The following TRPM3 variants were observed in gnomAD, a reference collection of about 807,000 sequenced individuals.
TRPM3 encodes the protein long transient receptor potential channel 3.
TRPM3 carries 77 observed loss-of-function variants against 181.2 expected under a neutral mutation model. The observed-to-expected ratio is 0.42, with a 90% CI of 0.35 to 0.51. The LOEUF is 0.51. Ranked by LOEUF, TRPM3 falls within the 20% of genes least tolerant of loss-of-function variation. The probability of loss-of-function intolerance (pLI) is 0.01; values close to 1 mark genes in which losing one functional copy is unlikely to be tolerated. For synonymous variants in TRPM3, 745 were observed against 796.4 expected (o/e 0.94, Z 1.09); for missense variants, 1,759 against 2,196.7 (o/e 0.80, Z 3.98).
At chr9:71,133,044 AT>A (rs1421067011) in intron 1 of TRPM3, among the ~76,000 whole-genome samples, 1 of 152,136 alleles carries the variant, frequency 6.6e-6, no homozygotes, top group Non-Finnish European at 1.5e-5. Flanking sequence ...TAAATCATGA[AT>A]ATATTTTCAG....
chr9:70,850,744 A>G (rs10780975), intron 3 of TRPM3, among the ~76,000 whole-genome samples: 55,730 of 151,962 alleles, frequency 0.37, 10,613 homozygotes, highest in Non-Finnish European at 0.39. Context: ...TCCAGAACAG[A>G]TTATTTAGTA....
intron 1 of TRPM3, chr9:70,869,131 C>T (rs2095728327): frequency 1.2e-6 from 1 of 859,620 alleles, no homozygotes; most frequent in African/African-American, 1.8e-5. Flanking sequence ...TTCGGCTCTT[C>T]CCCCAAGAGA....
chr9:70,936,393 T>G (rs1342088281), intron 1 of TRPM3, among the ~76,000 whole-genome samples: 1 of 152,174 alleles, frequency 6.6e-6, no homozygotes, highest in East Asian at 1.9e-4. Context: ...CTGCAAAATT[T>G]TAGCTAATGA....
intron 1 of TRPM3, among the ~76,000 whole-genome samples, chr9:71,097,343 GTA>G (rs2067489779): frequency 6.6e-6 from 1 of 151,808 alleles, no homozygotes; most frequent in South Asian, 2.1e-4. Flanking sequence ...AACATTTTAT[GTA>G]TATATACACA....
At position 70,985,699 on chromosome 9, in the gene TRPM3, T is replaced by C. The variant is rs147448627; in HGVS notation, c.178-121188A>G. On this transcript the variant is annotated intron_variant, in intron 1 of 25. Transcript: ENST00000677713. Reference sequence around the variant, plus strand: ...TGTGCCAGCACTGTGCTGGGCCCTTTTGGGAGGTATAAAAATGAACCAGAT... The same window carrying C: ...TGTGCCAGCACTGTGCTGGGCCCTTCTGGGAGGTATAAAAATGAACCAGAT... Among the ~76,000 whole-genome samples the C allele has an allele frequency of 3.3e-5, 5 of 152,250 alleles. No individual in the cohort carries two copies. In the East Asian group the frequency reaches 9.7e-4, roughly 29 times the overall value.
At chr9:71,382,424 G>A (rs1193338005) in intron 1 of TRPM3, among the ~76,000 whole-genome samples, 3 of 152,106 alleles carry the variant, frequency 2.0e-5, no homozygotes, top group Admixed American at 6.6e-5. Context: ...TCTAAATCAT[G>A]CTATTGGAAA....
At chr9:70,957,215 C>T (rs568530418) in intron 1 of TRPM3, among the ~76,000 whole-genome samples, 9 of 152,052 alleles carry the variant, frequency 5.9e-5, no homozygotes, top group East Asian at 1.9e-4. Flanking sequence ...CCACGCACTT[C>T]GGCCTCCCAA....
At chr9:71,347,463 C>T (rs2091361493) in intron 1 of TRPM3, among the ~76,000 whole-genome samples, 1 of 152,172 alleles carries the variant, frequency 6.6e-6, no homozygotes, top group Non-Finnish European at 1.5e-5. Context: ...TATTGAAATA[C>T]ACTATTATCA....
At chr9:70,690,281 C>T (rs1587303205) in intron 8 of TRPM3, among the ~76,000 whole-genome samples, 1 of 152,050 alleles carries the variant, frequency 6.6e-6, no homozygotes, top group Non-Finnish European at 1.5e-5. Context: ...CATAGCTATA[C>T]GATAGATAAT....
intron 1 of TRPM3, among the ~76,000 whole-genome samples, chr9:71,226,960 G>A (rs897957271): frequency 6.6e-6 from 1 of 151,680 alleles, no homozygotes; most frequent in African/African-American, 2.4e-5. Flanking sequence ...TCAGTACATA[G>A]ATCAGTCTCA....
At position 70,531,135 on chromosome 9, in the gene TRPM3, T is replaced by C. The variant is rs2040821030; in HGVS notation, c.*4818A>G. On this transcript the variant is annotated 3_prime_UTR_variant, in exon 26 of 26. Coordinates refer to ENST00000677713, the MANE Select transcript of TRPM3 (RefSeq NM_001366145.2). ...CTCCGGCTTAGCAATTTGCACCCAG[T>C]AGCTCTGAAGAATCAGAAATGTGTC... 1 of 152,230 alleles carries C rather than the reference T, an allele frequency of 6.6e-6. No homozygotes were observed. The highest frequency in any genetic ancestry group is 1.5e-5 in the Non-Finnish European group (1 of 68,054). The allele number at this position is 152,230 out of a possible 1,614,324, so 9.4% of individuals were successfully genotyped here. A position where few individuals can be genotyped will look rare whatever the true frequency, so the allele number is the denominator to read the frequency against.
intron 3 of TRPM3, 132 bp downstream of exon 3, chr9:70,862,776 C>T (rs1032942264): frequency 3.6e-6 from 3 of 839,276 alleles, no homozygotes; most frequent in African/African-American, 3.4e-5. Context: ...GGACTCAGAG[C>T]AGGTCACCTC....
At chr9:70,917,741 C>T (rs2096615544) in intron 1 of TRPM3, among the ~76,000 whole-genome samples, 1 of 151,546 alleles carries the variant, frequency 6.6e-6, no homozygotes, top group African/African-American at 2.4e-5. Context: ...TCAGAGAAGA[C>T]TACAAAACAA....
At chr9:71,218,378 A>G (rs1028180077) in intron 1 of TRPM3, among the ~76,000 whole-genome samples, 1 of 152,226 alleles carries the variant, frequency 6.6e-6, no homozygotes, top group Non-Finnish European at 1.5e-5. Flanking sequence ...TATTAGGTAG[A>G]TATATTTTTA....
chr9:70,816,620 C>G (rs1260254718), intron 6 of TRPM3, among the ~76,000 whole-genome samples: 1 of 152,174 alleles, frequency 6.6e-6, no homozygotes, highest in East Asian at 1.9e-4. Flanking sequence ...CAGGATTCAT[C>G]TTAGAAGCAT....
intron 19 of TRPM3, 108 bp downstream of exon 19, chr9:70,610,501 C>G: frequency 7.4e-7 from 1 of 1,357,154 alleles, no homozygotes. Flanking sequence ...ACTTTCACTC[C>G]TGTGTGTGGC....
chr9:71,063,252 G>A (rs1458471547), intron 1 of TRPM3, among the ~76,000 whole-genome samples: 1 of 152,082 alleles, frequency 6.6e-6, no homozygotes, highest in Non-Finnish European at 1.5e-5. Context: ...TGAGGAGCCT[G>A]GAATGCTGCT....
At chr9:70,694,256 G>A (rs1033934460) in intron 8 of TRPM3, among the ~76,000 whole-genome samples, 1 of 152,020 alleles carries the variant, frequency 6.6e-6, no homozygotes, top group Non-Finnish European at 1.5e-5. Context: ...GCCTAATCAC[G>A]TCCCTTTTCT....
At chr9:71,163,791 A>G (rs937118329) in intron 1 of TRPM3, among the ~76,000 whole-genome samples, 3 of 152,162 alleles carry the variant, frequency 2.0e-5, no homozygotes, top group Non-Finnish European at 4.4e-5. Flanking sequence ...AAGGTGACAG[A>G]AATAGCAGAA....
Sources: gnomAD v4.1 joint callset for allele counts (sites outside exome capture counted in the v4.1 genomes callset) on GRCh38, gnomAD v4.1.1 for gene constraint, MANE v1.5 for transcripts, NCBI Gene and HGNC (gene_info 2026-07-23, HGNC 2026-07-21) for gene names.